The following WDR25 variants were observed in gnomAD, a reference collection of about 807,000 sequenced individuals.
WDR25 encodes WD repeat domain 25.
Under a neutral mutation model 47.7 loss-of-function variants are expected in WDR25, and 35 were observed. The observed-to-expected ratio is 0.73, with a 90% CI of 0.56 to 0.97. The LOEUF (loss-of-function observed/expected upper bound fraction) is 0.97, where lower values mean the gene tolerates loss of function less well. WDR25 is among the 50% of genes least tolerant of loss of function. The pLI is 0.00. For synonymous variants in WDR25, 248 were observed against 278.9 expected, an observed-to-expected ratio of 0.89 and a Z score of 1.10; for missense variants, 634 against 704.7, an observed-to-expected ratio of 0.90 and a Z score of 1.14.
rs769812841 is a variant in WDR25 at position 100,529,731 on chromosome 14, G to A, written c.1414-89G>A. On this transcript the variant is annotated intron_variant, in intron 6 of 6. Transcript: ENST00000402312. The surrounding 1 kb of genome is among the most constrained non-coding windows in gnomAD (Gnocchi z 5.1). Reference sequence around the variant, plus strand: ...AAGCCCAGCTCTGCTCCGTCAGCTCGGGGCTTCAGCCTGCTCCTCTGTAGA... The same window carrying A: ...AAGCCCAGCTCTGCTCCGTCAGCTCAGGGCTTCAGCCTGCTCCTCTGTAGA... 187 of 1,416,570 alleles carry A rather than the reference G, an allele frequency of 1.3e-4. 1 individual carries two copies. Among genetic ancestry groups the A allele is most frequent in the Non-Finnish European group, 1.7e-4 (181 of 1,043,816 alleles). The allele number at this position is 1,416,570 out of a possible 1,614,324, so 87.8% of individuals were successfully genotyped here.
intron 2 of WDR25, among the ~76,000 whole-genome samples, chr14:100,410,307 C>G (rs780237746): frequency 6.6e-6 from 1 of 152,108 alleles, no homozygotes; most frequent in Non-Finnish European, 1.5e-5. Flanking sequence ...AAGGGCCTCC[C>G]AGGGAGACGG....
chr14:100,512,635 A>C (rs1484326090), intron 4 of WDR25, among the ~76,000 whole-genome samples: 1 of 152,078 alleles, frequency 6.6e-6, no homozygotes, highest in Non-Finnish European at 1.5e-5. Context: ...AAAAACCTTG[A>C]ATTTAATTTT....
At position 100,529,419 on chromosome 14, in the gene WDR25, A is replaced by T. The variant is rs374934310; in HGVS notation, c.1413+211A>T. ...CCCCAGGCCCCACGTACTGGGCAGG[A>T]AGCAGTAGTTGGCTCACACAGACAG... is the stretch of plus-strand genomic sequence containing the variant. On this transcript the variant is annotated intron_variant, in intron 6 of 6. Transcript: ENST00000402312. The surrounding 1 kb of genome is among the most constrained non-coding windows in gnomAD (Gnocchi z 5.1). 2.8e-6 allele frequency: 2 copies of T among 722,190 alleles called. No homozygotes were observed. Among genetic ancestry groups the T allele is most frequent in the African/African-American group, 1.8e-5 (1 of 56,188 alleles). The allele number at this position is 722,190 out of a possible 1,614,324, so 44.7% of individuals were successfully genotyped here. A position where few individuals can be genotyped will look rare whatever the true frequency, so the allele number is the denominator to read the frequency against.
intron 4 of WDR25, among the ~76,000 whole-genome samples, chr14:100,490,386 T>C (rs185591837): frequency 9.2e-5 from 14 of 152,342 alleles, no homozygotes; most frequent in African/African-American, 3.4e-4. Flanking sequence ...TCCTGGCCAG[T>C]TGAACGGAGG....
At chr14:100,450,842 G>C (rs1899005928) in intron 2 of WDR25, among the ~76,000 whole-genome samples, 1 of 152,206 alleles carries the variant, frequency 6.6e-6, no homozygotes, top group South Asian at 2.1e-4. Context: ...CACTGAGGAG[G>C]GAAGAGGCCT....
rs1198136063 is a variant in WDR25, at chr14:100,381,539, G to A, written c.615G>A (p.Gly205=). The A allele has an allele frequency of 6.2e-7, 1 of 1,613,706 alleles. No homozygotes were observed. The highest frequency in any genetic ancestry group is 1.1e-5 in the South Asian group (1 of 91,062). ...TGGAGCCACAGGGGCCCCCTGCAGG[G>A]CGTGCCCCAGCCCCTCTCTACGTGG... is the stretch of plus-strand genomic sequence containing the variant. ...KDVEPQGPPA[G]RAPAPLYVGP... is the part of the protein sequence containing the mutation. The change falls in exon 2 of 7, where the codon GGG becomes GGA. Residue 205 remains glycine, a synonymous_variant. Coordinates refer to ENST00000402312, the MANE Select transcript of WDR25 (RefSeq NM_001161476.3).
rs988439376 is a variant in WDR25 at position 100,498,569 on chromosome 14, T to C, written c.1101+14445T>C. On this transcript the variant is annotated intron_variant, in intron 4 of 6. Coordinates refer to ENST00000402312, the MANE Select transcript of WDR25 (RefSeq NM_001161476.3). The surrounding 1 kb of genome is among the most constrained non-coding windows in gnomAD (Gnocchi z 4.2). ...GAGGATTCAGAGAAGCTGCAGGAAA[T>C]GTCTCTTGCCCTGCTGCTGGCACCA... is the stretch of plus-strand genomic sequence containing the variant. Among the ~76,000 whole-genome samples, 1 of 152,174 alleles carries C rather than the reference T, an allele frequency of 6.6e-6. No homozygotes were observed. The highest frequency in any genetic ancestry group is 2.4e-5 in the African/African-American group (1 of 41,440).
At chr14:100,517,517 A>T (rs566410194) in intron 4 of WDR25, among the ~76,000 whole-genome samples, 2 of 152,236 alleles carry the variant, frequency 1.3e-5, no homozygotes, top group East Asian at 3.9e-4. Context: ...AATTCTACTT[A>T]TTGTTAATAT....
chr14:100,496,772 C>CATGTGGA, intron 4 of WDR25, among the ~76,000 whole-genome samples: 1 of 149,748 alleles, frequency 6.7e-6, no homozygotes, highest in Admixed American at 6.7e-5. Context: ...AGTTTCCAAG[C>CATGTGGA]ATGTGGAAAC....
At position 100,449,797 on chromosome 14, in the gene WDR25, A is replaced by G. The variant is rs1400850639; in HGVS notation, c.823-18224A>G. ...AGAGGTGGCACCATCATGCGGTCAT[A>G]GGATGAGACGTCCCAGGTTCTGGCT... On this transcript the variant is annotated intron_variant, in intron 2 of 6. Transcript: ENST00000402312. The surrounding 1 kb of genome is among the most constrained non-coding windows in gnomAD (Gnocchi z 4.2). 6.6e-6 allele frequency among the ~76,000 whole-genome samples: 1 copy of G among 152,168 alleles called. No individual in the cohort carries two copies. Among genetic ancestry groups the G allele is most frequent in the African/African-American group, 2.4e-5 (1 of 41,442 alleles).
chr14:100,477,445 T>G (rs943754753), intron 3 of WDR25, among the ~76,000 whole-genome samples: 1 of 152,210 alleles, frequency 6.6e-6, no homozygotes, highest in African/African-American at 2.4e-5. Flanking sequence ...TTTCCTATAA[T>G]AAGCATACAG....
chr14:100,414,266 T>C (rs1225409520), intron 2 of WDR25, among the ~76,000 whole-genome samples: 1 of 149,002 alleles, frequency 6.7e-6, no homozygotes, highest in Non-Finnish European at 1.5e-5. Flanking sequence ...AAAGTGCTAG[T>C]GCTAGGATTA....
At chr14:100,444,782 G>T (rs192060724) in intron 2 of WDR25, among the ~76,000 whole-genome samples, 1 of 152,228 alleles carries the variant, frequency 6.6e-6, no homozygotes, top group African/African-American at 2.4e-5. Flanking sequence ...TTAGGGACTT[G>T]AGCCTGGTGT....
intron 4 of WDR25, among the ~76,000 whole-genome samples, chr14:100,521,826 T>C (rs749725161): frequency 6.6e-6 from 1 of 152,226 alleles, no homozygotes; most frequent in Admixed American, 6.5e-5. Context: ...GCATATGTTA[T>C]TTTGCTCAAA....
chr14:100,400,061 A>C (rs2140169074), intron 2 of WDR25, among the ~76,000 whole-genome samples: 1 of 152,332 alleles, frequency 6.6e-6, no homozygotes, highest in Admixed American at 6.5e-5. Flanking sequence ...GGCCTTAAAA[A>C]AGATACTTAA....
chr14:100,404,334 T>A lies in WDR25; in HGVS notation c.822+22588T>A, dbSNP rs1897469768. On this transcript the variant is annotated intron_variant, in intron 2 of 6. Coordinates refer to ENST00000402312, the MANE Select transcript of WDR25 (RefSeq NM_001161476.3). The surrounding 1 kb of genome is among the most constrained non-coding windows in gnomAD (Gnocchi z 4.6). ...CCACTCTCCCACGCCAGCCCGTAAG[T>A]GTAAAGCAGATGTTTGGAACCTGGG... Among the ~76,000 whole-genome samples the A allele has an allele frequency of 6.6e-6, 1 of 152,230 alleles. No individual in the cohort carries two copies. Among genetic ancestry groups the A allele is most frequent in the Non-Finnish European group, 1.5e-5 (1 of 68,046 alleles).
intron 2 of WDR25, among the ~76,000 whole-genome samples, chr14:100,397,673 G>A (rs867481516): frequency 6.6e-6 from 1 of 152,184 alleles, no homozygotes. Context: ...AGGATGGGTA[G>A]CCATTGCTCA....
At chr14:100,478,324 A>AG (rs1393930621) in intron 3 of WDR25, among the ~76,000 whole-genome samples, 2 of 152,224 alleles carry the variant, frequency 1.3e-5, no homozygotes, top group Non-Finnish European at 2.9e-5. Context: ...AGAGCAGTGC[A>AG]AGGTCCTGCC....
At chr14:100,527,543 C>T (rs1188521109) in intron 5 of WDR25, among the ~76,000 whole-genome samples, 1 of 152,246 alleles carries the variant, frequency 6.6e-6, no homozygotes, top group Non-Finnish European at 1.5e-5. Context: ...TCTGAGCAAA[C>T]CCACTTCTAG....
Sources: gnomAD v4.1 joint callset for allele counts (sites outside exome capture counted in the v4.1 genomes callset) on GRCh38, gnomAD v4.1.1 for gene constraint, Gnocchi (gnomAD v3.1) non-coding constraint, MANE v1.5 for transcripts, NCBI Gene and HGNC (gene_info 2026-07-23, HGNC 2026-07-21) for gene names.